SP140: variants seen among roughly 807,000 people sequenced by gnomAD.
SP140 encodes SP140 nuclear body protein.
Under a neutral mutation model 125.0 loss-of-function variants are expected in SP140, and 81 were observed. The ratio of observed to expected loss-of-function variants is 0.65; its 90% confidence interval spans 0.54 to 0.78. The LOEUF is 0.78. Ranked by LOEUF, SP140 falls within the 30% of genes least tolerant of loss-of-function variation. The pLI, the probability that SP140 is intolerant of heterozygous loss-of-function variation, is 0.00. For missense variants in SP140, 858 were observed against 1,037.0 expected (o/e 0.83, Z 2.37); for synonymous variants, 312 against 354.0 (o/e 0.88, Z 1.33).
At chr2:230,302,662 A>C (rs1340410292) in intron 22 of SP140, among the ~76,000 whole-genome samples, 1 of 152,240 alleles carries the variant, frequency 6.6e-6, no homozygotes, top group African/African-American at 2.4e-5. Context: ...CATAGGCCAC[A>C]TAACAAGTCT....
At chr2:230,266,693 G>A in intron 12 of SP140, among the ~76,000 whole-genome samples, 1 of 152,170 alleles carries the variant, frequency 6.6e-6, no homozygotes, top group East Asian at 1.9e-4. Flanking sequence ...GTTCCTCGTG[G>A]TTGTTGAACC....
At chr2:230,311,937 C>T (rs547588805) in intron 26 of SP140, among the ~76,000 whole-genome samples, 2 of 152,288 alleles carry the variant, frequency 1.3e-5, no homozygotes, top group South Asian at 2.1e-4. Flanking sequence ...TATCTGCTCC[C>T]AATCCCAGAA....
At chr2:230,270,039 G>A in intron 14 of SP140, 86 bp downstream of exon 14, 1 of 836,954 alleles carries the variant, frequency 1.2e-6, no homozygotes, top group Non-Finnish European at 2.0e-6. Flanking sequence ...GCTCCAGTCT[G>A]TCCAGAATTC....
chr2:230,292,450 C>A (rs957868074), intron 19 of SP140, among the ~76,000 whole-genome samples, 196 bp from the exon 20 acceptor site: 1 of 152,190 alleles, frequency 6.6e-6, no homozygotes, highest in Non-Finnish European at 1.5e-5. Flanking sequence ...GAAATGTGCA[C>A]CCCCACCAGG....
the SP140 span, among the ~76,000 whole-genome samples, chr2:230,193,900 A>C: frequency 6.6e-6 from 1 of 152,222 alleles, no homozygotes; most frequent in African/African-American, 2.4e-5. Flanking sequence ...GGAATTTATA[A>C]ATTCCAAAAA....
At chr2:230,230,631 A>C (rs1389882878) in intron 1 of SP140, 2 of 152,288 alleles carry the variant, frequency 1.3e-5, no homozygotes, top group Non-Finnish European at 2.9e-5. Context: ...ATGAGCAAGG[A>C]CAGCTTGTGA....
In SP140 at chr2:230,287,982, G is replaced by A. The variant is rs780535870; in HGVS notation, c.1720+16G>A. 2.5e-6 allele frequency: 4 copies of A among 1,599,084 alleles called. No individual in the cohort carries two copies. Among genetic ancestry groups the A allele is most frequent in the Admixed American group, 1.7e-5 (1 of 57,926 alleles). On this transcript the variant is annotated intron_variant, in intron 18 of 26. Transcript: ENST00000392045. ...CGATCAAGAGGTAAAAAAGAAAACA[G>A]GAATGAACTTTCAATAACTAAACAT...
At chr2:230,244,498 G>A (rs1015826226) in intron 5 of SP140, among the ~76,000 whole-genome samples, 1 of 152,160 alleles carries the variant, frequency 6.6e-6, no homozygotes, top group African/African-American at 2.4e-5. Context: ...GAGGCCTGCA[G>A]GTTCTTAGGG....
At chr2:230,226,762 C>CAAAAAAA (rs11323886) in intron 1 of SP140, among the ~76,000 whole-genome samples, 251 of 94,094 alleles carry the variant, frequency 2.7e-3, no homozygotes, top group Non-Finnish European at 3.9e-3. Flanking sequence ...AATTCCATCT[C>CAAAAAAA]AAAAAAAAAA....
At chr2:230,290,709 G>C (rs781237829) in intron 19 of SP140, 145 bp downstream of exon 19, 4 of 679,252 alleles carry the variant, frequency 5.9e-6, no homozygotes, top group Non-Finnish European at 9.9e-6. Flanking sequence ...CTAAGATGAC[G>C]TTTACAGACT....
At chr2:230,282,174 T>C (rs2055668979) in intron 15 of SP140, among the ~76,000 whole-genome samples, 1 of 152,216 alleles carries the variant, frequency 6.6e-6, no homozygotes, top group African/African-American at 2.4e-5. Flanking sequence ...AAATCTCCTC[T>C]GGGGATCTTA....
intron 8 of SP140, among the ~76,000 whole-genome samples, chr2:230,248,430 C>T (rs929926335): frequency 2.0e-5 from 3 of 151,834 alleles, no homozygotes; most frequent in Non-Finnish European, 4.4e-5. Context: ...TCTGCAGGTT[C>T]CCGGAGGAGT....
upstream of SP140, chr2:230,225,578 C>T (rs1227782418): frequency 3.7e-6 from 2 of 538,734 alleles, no homozygotes; most frequent in Non-Finnish European, 6.7e-6. Flanking sequence ...ACTTTTCCAC[C>T]CTCTTTCCTT....
rs201308762 is a variant in SP140 at position 230,243,732 on chromosome 2, G to C, written c.492G>C (p.Glu164Asp). ...RPRLLPYGKQ[E>D]NSNACHEMDD... Reference sequence around the variant, plus strand: ...AAGGGATTTCATTCCTTTCGGCAGAGAACAGCAATGCCTGTCATGAAATGG... The same window carrying C: ...AAGGGATTTCATTCCTTTCGGCAGACAACAGCAATGCCTGTCATGAAATGG... Residue 164 changes from glutamate to aspartate, a missense_variant and splice_region_variant, in exon 5 of 27, where the codon GAG (glutamate) becomes GAC (aspartate). Around this residue, in one of 4 missense-constraint regions of SP140, gnomAD observed 791 missense variants for 869.5 expected, o/e 0.91. Transcript: ENST00000392045. The C allele has an allele frequency of 1.1e-4, 175 of 1,611,292 alleles. No individual in the cohort carries two copies. In the African/African-American group the frequency reaches 2.1e-3, roughly 20 times the overall value.
chr2:230,233,511 G>T (rs1027769225), intron 1 of SP140, among the ~76,000 whole-genome samples: 5 of 151,898 alleles, frequency 3.3e-5, no homozygotes, highest in Non-Finnish European at 7.4e-5. Context: ...TTGGGTTCAG[G>T]ATATTTTTAT....
chr2:230,266,383 A>G (rs1295605200), intron 12 of SP140, among the ~76,000 whole-genome samples: 12 of 152,240 alleles, frequency 7.9e-5, no homozygotes, highest in Admixed American at 7.8e-4. Context: ...TGACCTATGC[A>G]TCAGATCAGA....
In SP140 at chr2:230,209,689, A is replaced by AT. The variant is rs541323499; in HGVS notation, c.-322-3959dup. ...AAGAAGTTGTGAATATAGGAGATTG[A>AT]TTTTTTCAGAACAGGCAATTCCAAT... On this transcript the variant is annotated intron_variant, in intron 1 of 4. Transcript: ENST00000456542. Among the ~76,000 whole-genome samples the AT allele has an allele frequency of 8.5e-5, 13 of 152,258 alleles. No homozygotes were observed. In the East Asian group the frequency reaches 2.5e-3, roughly 29 times the overall value.
chr2:230,207,249 A>G (rs553264610), intron 1 of SP140, among the ~76,000 whole-genome samples: 29 of 152,296 alleles, frequency 1.9e-4, no homozygotes, highest in African/African-American at 6.7e-4. Context: ...GTTGTAGTCT[A>G]TTTTGAATAG....
chr2:230,207,933 T>G (rs1050465168), intron 1 of SP140: 2 of 840,248 alleles, frequency 2.4e-6, no homozygotes, highest in African/African-American at 3.4e-5. Context: ...CAGCTTGACC[T>G]ACAAGCCCTG....
Sources: gnomAD v4.1 joint callset for allele counts (sites outside exome capture counted in the v4.1 genomes callset) on GRCh38, gnomAD v4.1.1 for gene constraint, gnomAD v4.1.1 regional missense constraint, MANE v1.5 for transcripts, NCBI Gene and HGNC (gene_info 2026-07-23, HGNC 2026-07-21) for gene names.